CNTNAP2: variants seen among roughly 807,000 people sequenced by gnomAD.
CNTNAP2 encodes contactin associated protein 2.
In CNTNAP2, 98 loss-of-function variants were observed where a neutral mutation model predicts 155.2. That is an observed-to-expected ratio of 0.63 (90% CI 0.54 to 0.75). CNTNAP2 has a LOEUF of 0.75. Among genes scored for constraint, CNTNAP2 ranks in the 30% least tolerant of loss-of-function variants. CNTNAP2 has a pLI of 0.00. For synonymous variants in CNTNAP2, 651 were observed against 631.2 expected (o/e 1.03, Z -0.47); for missense variants, 1,727 against 1,688.1 (o/e 1.02, Z -0.40).
intron 15 of CNTNAP2, among the ~76,000 whole-genome samples, chr7:147,992,425 G>A (rs10500195): frequency 0.22 from 33,668 of 151,924 alleles, 4,859 homozygotes; most frequent in East Asian, 0.49. Context: ...ATTACTACCT[G>A]TAAAATAAAT....
At chr7:146,861,340 T>G (rs1419059395) in intron 3 of CNTNAP2, among the ~76,000 whole-genome samples, 1 of 152,010 alleles carries the variant, frequency 6.6e-6, no homozygotes, top group Non-Finnish European at 1.5e-5. Flanking sequence ...GGCATGAGTG[T>G]TTTTCCTTAC....
intron 1 of CNTNAP2, among the ~76,000 whole-genome samples, chr7:146,217,493 T>A (rs1436042509): frequency 2.0e-5 from 3 of 152,134 alleles, no homozygotes; most frequent in African/African-American, 7.2e-5. Context: ...ACCCAATGGG[T>A]CACTTATTAT....
chr7:147,899,627 G>C (rs1799830118), intron 13 of CNTNAP2, among the ~76,000 whole-genome samples: 1 of 152,100 alleles, frequency 6.6e-6, no homozygotes, highest in Non-Finnish European at 1.5e-5. Flanking sequence ...GCTCCCACCT[G>C]TAATCTTCGC....
intron 3 of CNTNAP2, among the ~76,000 whole-genome samples, chr7:146,946,590 T>C (rs1045580990): frequency 6.6e-6 from 1 of 152,164 alleles, no homozygotes; most frequent in Non-Finnish European, 1.5e-5. Context: ...TAATGAGCTT[T>C]AAAGGTAAAA....
chr7:146,802,233 A>G (rs1026586151), intron 2 of CNTNAP2, among the ~76,000 whole-genome samples: 1 of 152,136 alleles, frequency 6.6e-6, no homozygotes, highest in African/African-American at 2.4e-5. Flanking sequence ...AGCTCTGGAA[A>G]CAGTCTCCTT....
intron 14 of CNTNAP2, among the ~76,000 whole-genome samples, chr7:147,929,422 G>C (rs950146006): frequency 1.3e-5 from 2 of 152,040 alleles, no homozygotes; most frequent in Non-Finnish European, 2.9e-5. Context: ...TTTCAGAAAA[G>C]AATATCCTAC....
chr7:147,193,182 A>G lies in CNTNAP2; in HGVS notation c.1348+60673A>G, dbSNP rs78350867. On this transcript the variant is annotated intron_variant, in intron 8 of 23. Transcript: ENST00000361727. Reference sequence around the variant, plus strand: ...TTCAAGGTTATTCATGTATTTTTCTATCTAAAGCCTCATAAAGCACAGTGA... The same window carrying G: ...TTCAAGGTTATTCATGTATTTTTCTGTCTAAAGCCTCATAAAGCACAGTGA... Among the ~76,000 whole-genome samples, 1,282 of 152,312 alleles carry G rather than the reference A, an allele frequency of 8.4e-3. 9 individuals are homozygous for G. Among genetic ancestry groups the G allele is most frequent in the Non-Finnish European group, 0.013 (860 of 68,020 alleles).
chr7:148,356,226 A>T lies in CNTNAP2; in HGVS notation c.3476-27423A>T, dbSNP rs534370178. On this transcript the variant is annotated intron_variant, in intron 21 of 23. Transcript: ENST00000361727. ...TCCATAAAACATGGTTTTAAAATAT[A>T]AAAAAAAGACACAGCATTGATTTCC... Among the ~76,000 whole-genome samples, 57 of 141,382 alleles carry T rather than the reference A, an allele frequency of 4.0e-4. No homozygotes were observed. In the South Asian group the frequency reaches 0.011, roughly 27 times the overall value. 92.8% of individuals were successfully genotyped at this position (141,382 alleles called of 152,430 possible). A position where few individuals can be genotyped will look rare whatever the true frequency, so the allele number is the denominator to read the frequency against.
intron 13 of CNTNAP2, among the ~76,000 whole-genome samples, chr7:147,653,311 C>A (rs1414046876): frequency 6.6e-6 from 1 of 152,106 alleles, no homozygotes; most frequent in African/African-American, 2.4e-5. Flanking sequence ...ACACAAGTGA[C>A]ACATCCAGTG....
At chr7:146,337,139 CT>C (rs1270962056) in intron 1 of CNTNAP2, among the ~76,000 whole-genome samples, 1 of 152,146 alleles carries the variant, frequency 6.6e-6, no homozygotes, top group Non-Finnish European at 1.5e-5. Flanking sequence ...CAGGACCCCC[CT>C]GTCTTTGCAC....
intron 2 of CNTNAP2, among the ~76,000 whole-genome samples, chr7:146,776,363 G>A (rs1045781476): frequency 5.9e-5 from 9 of 152,138 alleles, no homozygotes; most frequent in African/African-American, 1.9e-4. Flanking sequence ...ATTTGGGCAA[G>A]TCAGGTTCTG....
At chr7:147,090,536 A>G (rs577013383) in intron 4 of CNTNAP2, among the ~76,000 whole-genome samples, 5 of 152,222 alleles carry the variant, frequency 3.3e-5, no homozygotes, top group African/African-American at 1.2e-4. Flanking sequence ...ATTTTTCTTA[A>G]TTTATTCAGA....
chr7:147,151,187 A>G (rs1801817239), intron 8 of CNTNAP2, among the ~76,000 whole-genome samples: 1 of 152,200 alleles, frequency 6.6e-6, no homozygotes, highest in African/African-American at 2.4e-5. Context: ...CCGAGTTGGT[A>G]CTTGAAATGA....
chr7:146,562,276 TA>T (rs1433125551), intron 1 of CNTNAP2, among the ~76,000 whole-genome samples: 2 of 152,078 alleles, frequency 1.3e-5, no homozygotes, highest in African/African-American at 4.8e-5. Flanking sequence ...AAAATGATAT[TA>T]AAATAAATTT....
chr7:146,197,624 G>A (rs1290562316), intron 1 of CNTNAP2, among the ~76,000 whole-genome samples: 1 of 152,042 alleles, frequency 6.6e-6, no homozygotes, highest in Admixed American at 6.6e-5. Context: ...ATAACTTTAA[G>A]CCAATATTTA....
intron 1 of CNTNAP2, among the ~76,000 whole-genome samples, chr7:146,399,311 C>A (rs914926920): frequency 6.6e-6 from 1 of 152,110 alleles, no homozygotes. Flanking sequence ...TGTTGAGTAA[C>A]ATCTCCCCCA....
intron 1 of CNTNAP2, among the ~76,000 whole-genome samples, chr7:146,380,318 C>T (rs1052058027): frequency 1.7e-4 from 26 of 151,942 alleles, no homozygotes; most frequent in African/African-American, 5.8e-4. Context: ...TTAGTAAAAG[C>T]GTTATATCTC....
At chr7:147,352,610 A>G (rs1795985696) in intron 9 of CNTNAP2, among the ~76,000 whole-genome samples, 1 of 151,996 alleles carries the variant, frequency 6.6e-6, no homozygotes. Flanking sequence ...ACTTTATGGT[A>G]TTGACACATT....
chr7:147,642,232 T>G (rs879924668), intron 13 of CNTNAP2, among the ~76,000 whole-genome samples: 5 of 152,130 alleles, frequency 3.3e-5, no homozygotes, highest in Non-Finnish European at 5.9e-5. Context: ...GACAAATTCC[T>G]GACCAGCAAA....
Sources: allele counts gnomAD v4.1 joint callset (sites outside exome capture counted in the v4.1 genomes callset), GRCh38; gene constraint gnomAD v4.1.1; transcripts MANE v1.5; gene names NCBI Gene and HGNC (gene_info 2026-07-23, HGNC 2026-07-21).